DLGAP2: variants seen among roughly 807,000 people sequenced by gnomAD.
DLGAP2 encodes DLG associated protein 2, also known as disks large-associated protein 2.
DLGAP2 carries 26 observed loss-of-function variants against 100.3 expected under a neutral mutation model. That is an observed-to-expected ratio of 0.26 (90% CI 0.19 to 0.36). The LOEUF (loss-of-function observed/expected upper bound fraction) is 0.36. DLGAP2 is among the 10% of genes least tolerant of loss of function. DLGAP2 has a pLI of 1.00. For synonymous variants in DLGAP2, 886 were observed against 630.1 expected, an observed-to-expected ratio of 1.41 and a Z score of -6.08; for missense variants, 1,858 against 1,453.2, an observed-to-expected ratio of 1.28 and a Z score of -4.53.
intron 3 of DLGAP2, among the ~76,000 whole-genome samples, chr8:1,323,137 C>G (rs1323908340): frequency 1.3e-5 from 2 of 151,648 alleles, no homozygotes; most frequent in African/African-American, 4.9e-5. Context: ...TCAAGCAATT[C>G]TCCTACCTCA....
chr8:1,149,338 G>A (rs912737845), intron 2 of DLGAP2, among the ~76,000 whole-genome samples: 18 of 151,938 alleles, frequency 1.2e-4, no homozygotes, highest in African/African-American at 4.1e-4. Context: ...TAGTAGAGGC[G>A]GAGTTTCACT....
intron 1 of DLGAP2, among the ~76,000 whole-genome samples, chr8:787,782 A>C (rs6995315): frequency 6.6e-6 from 1 of 152,122 alleles, no homozygotes; most frequent in Admixed American, 6.5e-5. Flanking sequence ...GTATTTGCAC[A>C]GTGCCTCTAC....
At chr8:1,567,794 G>A (rs778062878) in intron 6 of DLGAP2, among the ~76,000 whole-genome samples, 2 of 152,204 alleles carry the variant, frequency 1.3e-5, no homozygotes, top group African/African-American at 2.4e-5. Context: ...AAGGATGTGA[G>A]CCTGAGGCCC....
At chr8:1,537,676 T>C (rs1326853014) in intron 4 of DLGAP2, among the ~76,000 whole-genome samples, 1 of 151,240 alleles carries the variant, frequency 6.6e-6, no homozygotes, top group Non-Finnish European at 1.5e-5. Flanking sequence ...TGTGGCTTCA[T>C]GGATGCAAGG....
At chr8:1,605,359 G>A (rs935831508) in intron 6 of DLGAP2, among the ~76,000 whole-genome samples, 4 of 152,134 alleles carry the variant, frequency 2.6e-5, no homozygotes, top group Non-Finnish European at 5.9e-5. Context: ...ATACAGCAGG[G>A]CTCTCAGAGT....
chr8:1,077,294 A>C (rs1465948464), intron 2 of DLGAP2, among the ~76,000 whole-genome samples: 1 of 152,084 alleles, frequency 6.6e-6, no homozygotes, highest in African/African-American at 2.4e-5. Flanking sequence ...CCATGTTGGG[A>C]GGTCCTGGGC....
Position 1,603,671 on chromosome 8 carries a change from C to T in DLGAP2, c.1443-23069C>T, listed in dbSNP as rs1029291906. On this transcript the variant is annotated intron_variant, in intron 6 of 14. Transcript: ENST00000637795. The stretch of plus-strand genomic sequence containing the variant: ...GGGTCTTCATTCTTTTGGGTTGTGC[C>T]AGCAAGGCCATGACATCTCCTCCAC... Among the ~76,000 whole-genome samples the T allele has an allele frequency of 7.6e-5, 8 of 105,936 alleles. No homozygotes were observed. In the East Asian group the frequency reaches 2.2e-3, roughly 30 times the overall value. The allele number at this position is 105,936 out of a possible 152,430, so 69.5% of individuals were successfully genotyped here. A position where few individuals can be genotyped will look rare whatever the true frequency, so the allele number is the denominator to read the frequency against.
At chr8:1,560,465 C>T (rs1802120106) in intron 5 of DLGAP2, among the ~76,000 whole-genome samples, 1 of 152,172 alleles carries the variant, frequency 6.6e-6, no homozygotes, top group Non-Finnish European at 1.5e-5. Context: ...AAGCCATCCC[C>T]TATGATACAG....
intron 3 of DLGAP2, among the ~76,000 whole-genome samples, chr8:1,458,018 T>TATATA (rs1798369534): frequency 8.3e-6 from 1 of 120,788 alleles, no homozygotes; most frequent in Non-Finnish European, 1.8e-5. Context: ...ATATATAATT[T>TATATA]TTTATATGTG....
rs1271358888 is a variant in DLGAP2, at chr8:1,646,505, A to C, written c.1810+13459A>C. Among the ~76,000 whole-genome samples the C allele has an allele frequency of 2.0e-5, 3 of 152,160 alleles. No individual in the cohort carries two copies. The East Asian group carries it at 5.8e-4, about 29-fold the overall frequency. On this transcript the variant is annotated intron_variant, in intron 8 of 14. Transcript: ENST00000637795. ...TCTCTGAAAAGCCCCAACTAATATC[A>C]TACCCTTAAAGGGTATTTTTTCAGG...
At chr8:1,244,641 G>A (rs888313412) in intron 2 of DLGAP2, among the ~76,000 whole-genome samples, 3 of 151,908 alleles carry the variant, frequency 2.0e-5, no homozygotes, top group Admixed American at 6.6e-5. Context: ...CTCAAAATGG[G>A]TCGAAGACCT....
At chr8:1,229,527 T>G (rs946524841) in intron 2 of DLGAP2, among the ~76,000 whole-genome samples, 3 of 147,100 alleles carry the variant, frequency 2.0e-5, no homozygotes, top group African/African-American at 7.3e-5. Flanking sequence ...TTCATAATAG[T>G]CTCTGAGGAT....
intron 1 of DLGAP2, among the ~76,000 whole-genome samples, chr8:835,455 G>A (rs1163412985): frequency 6.6e-6 from 1 of 151,400 alleles, no homozygotes; most frequent in Admixed American, 6.6e-5. Context: ...GCTCCACGCC[G>A]CCCCCTAGAA....
At chr8:1,380,133 A>T (rs987457967) in intron 3 of DLGAP2, 26 of 152,280 alleles carry the variant, frequency 1.7e-4, no homozygotes, top group African/African-American at 6.0e-4. Flanking sequence ...GCTGGTTTGT[A>T]ACAGTAGTTC....
chr8:1,237,551 G>A (rs1798690148), intron 2 of DLGAP2, among the ~76,000 whole-genome samples: 2 of 132,044 alleles, frequency 1.5e-5, no homozygotes, highest in Non-Finnish European at 3.2e-5. Flanking sequence ...TCTCTCACAT[G>A]GCGCCGTGTC....
chr8:1,528,417 C>A (rs555839643), intron 4 of DLGAP2, among the ~76,000 whole-genome samples: 23 of 152,366 alleles, frequency 1.5e-4, no homozygotes, highest in African/African-American at 5.3e-4. Context: ...CAGAAGACGT[C>A]ATAAACTCCT....
chr8:1,272,446 C>G (rs1455329353), intron 3 of DLGAP2, among the ~76,000 whole-genome samples: 1 of 151,554 alleles, frequency 6.6e-6, no homozygotes, highest in Admixed American at 6.6e-5. Flanking sequence ...ATGTACGTAT[C>G]TATATTAAAC....
At chr8:1,039,488 G>A (rs1264518054) in intron 2 of DLGAP2, among the ~76,000 whole-genome samples, 6 of 128,610 alleles carry the variant, frequency 4.7e-5, no homozygotes, top group African/African-American at 1.2e-4. Flanking sequence ...TTCCGTGGTC[G>A]GCTCGGTGTG....
chr8:1,614,170 C>G (rs1384862047), intron 6 of DLGAP2, among the ~76,000 whole-genome samples: 2 of 152,168 alleles, frequency 1.3e-5, no homozygotes, highest in Admixed American at 6.5e-5. Context: ...CTCATGGGAT[C>G]CTTCACAAAC....
Sources: allele counts gnomAD v4.1 joint callset (sites outside exome capture counted in the v4.1 genomes callset), GRCh38; gene constraint gnomAD v4.1.1; transcripts MANE v1.5; gene names NCBI Gene and HGNC (gene_info 2026-07-23, HGNC 2026-07-21).